The following LINGO1 variants were observed in gnomAD, a reference collection of about 807,000 sequenced individuals.
The protein encoded by LINGO1 is leucine rich repeat and Ig domain containing 1, also known as leucine-rich repeat and immunoglobulin-like domain-containing nogo receptor-interacting protein 1.
Under a neutral mutation model 37.3 loss-of-function variants are expected in LINGO1, and 11 were observed. The ratio of observed to expected loss-of-function variants is 0.29; its 90% confidence interval spans 0.19 to 0.49. LINGO1 has a LOEUF of 0.49. LINGO1 is among the 20% of genes least tolerant of loss of function. LINGO1 has a pLI of 0.99. For missense variants in LINGO1, 585 were observed against 878.2 expected (o/e 0.67, Z 4.22); for synonymous variants, 387 against 403.0 (o/e 0.96, Z 0.48).
intron 1 of LINGO1, among the ~76,000 whole-genome samples, chr15:77,768,253 T>A (rs1596207392): frequency 6.6e-6 from 1 of 151,658 alleles, no homozygotes; most frequent in Non-Finnish European, 1.5e-5. Context: ...TCCCTTCTCA[T>A]AAAGGGCCAG....
chr15:77,766,533 C>T (rs1284767918), intron 1 of LINGO1, among the ~76,000 whole-genome samples: 2 of 152,172 alleles, frequency 1.3e-5, no homozygotes, highest in Non-Finnish European at 2.9e-5. Flanking sequence ...ATAATCCCCA[C>T]GTGTCAAAGG....
intron 1 of LINGO1, among the ~76,000 whole-genome samples, chr15:77,812,315 C>T (rs148385975): frequency 3.9e-5 from 6 of 152,214 alleles, no homozygotes; most frequent in African/African-American, 1.4e-4. Flanking sequence ...TCAGAATACC[C>T]CTACCGGTGG....
chr15:77,797,507 C>T (rs7175927), intron 1 of LINGO1, among the ~76,000 whole-genome samples: 18,743 of 152,174 alleles, frequency 0.12, 1,370 homozygotes, highest in African/African-American at 0.21. Context: ...AAAGTCCACA[C>T]GAAGACAAGG....
chr15:77,653,610 A>G (rs2074808198), intron 3 of LINGO1, among the ~76,000 whole-genome samples: 1 of 152,134 alleles, frequency 6.6e-6, no homozygotes, highest in African/African-American at 2.4e-5. Context: ...GACCAGGGGC[A>G]GGTTACCCAG....
chr15:77,663,659 C>G (rs150856216), intron 3 of LINGO1, among the ~76,000 whole-genome samples: 129 of 152,376 alleles, frequency 8.5e-4, no homozygotes, highest in African/African-American at 3.0e-3. Context: ...AGTAGGGGTC[C>G]TTCCTCAGTG....
rs372907046 is a variant in LINGO1, at chr15:77,614,912, C to T, written c.995G>A (p.Arg332His). The stretch of plus-strand genomic sequence containing the variant: ...GAGCACGCGCAGGTAGTTGAGGCCG[C>T]GGAAGGCATAGGGCTCCACCACGGC... ...QLAVVEPYAF[R>H]GLNYLRVLNV... is the part of the protein sequence containing the mutation. The change falls in exon 2 of 2, where the codon CGC becomes CAC. Residue 332 changes from arginine (R) to histidine (H), a missense_variant. Arg to His is a conservative substitution (Grantham distance 29). Transcript: ENST00000355300. 2.2e-5 allele frequency: 36 copies of T among 1,613,938 alleles called. No homozygotes were observed. The highest frequency in any genetic ancestry group is 6.7e-5 in the Admixed American group (4 of 60,014).
chr15:77,693,515 A>G (rs567539877), intron 1 of LINGO1, among the ~76,000 whole-genome samples: 19 of 152,214 alleles, frequency 1.2e-4, no homozygotes, highest in Non-Finnish European at 2.6e-4. Flanking sequence ...CCTGAGGGCC[A>G]GGGTAAGGGC....
rs116751203 is a variant in LINGO1, at chr15:77,639,527, C to G, written c.-12-23627G>C. Reference sequence around the variant, plus strand: ...GAGCACACGAGGGCAAGCAGAGGAGCGCGCATGGCAGGATTGTTATAGCGA... The same window carrying G: ...GAGCACACGAGGGCAAGCAGAGGAGGGCGCATGGCAGGATTGTTATAGCGA... On this transcript the variant is annotated intron_variant, in intron 3 of 3. Transcript: ENST00000559893. Among the ~76,000 whole-genome samples the G allele has an allele frequency of 1.7e-3, 258 of 151,854 alleles. 1 individual carries two copies. Among genetic ancestry groups the G allele is most frequent in the African/African-American group, 6.2e-3 (255 of 41,432 alleles).
chr15:77,776,526 A>AAAGCAGGAAGGC (rs1567577779), intron 1 of LINGO1, among the ~76,000 whole-genome samples: 5 of 35,792 alleles, frequency 1.4e-4, no homozygotes, highest in Admixed American at 2.6e-4. Context: ...GGAAGGGAGG[A>AAAGCAGGAAGGC]AGGGAGGGAG....
chr15:77,740,995 C>A (rs1463695088), intron 1 of LINGO1, among the ~76,000 whole-genome samples: 1 of 152,196 alleles, frequency 6.6e-6, no homozygotes, highest in African/African-American at 2.4e-5. Context: ...GCATTCCCAG[C>A]CCCCAGCCCT....
chr15:77,758,565 C>T (rs4275819), intron 1 of LINGO1, among the ~76,000 whole-genome samples: 29,076 of 152,042 alleles, frequency 0.19, 4,566 homozygotes, highest in African/African-American at 0.44. Flanking sequence ...GGAGGCCAGG[C>T]TTGAGTTTGG....
intron 1 of LINGO1, among the ~76,000 whole-genome samples, chr15:77,620,654 G>A (rs2073889032): frequency 6.6e-6 from 1 of 152,244 alleles, no homozygotes; most frequent in Non-Finnish European, 1.5e-5. Flanking sequence ...CCAGCTGGAA[G>A]GTCGACATCC....
chr15:77,664,152 T>C (rs2075062500), intron 3 of LINGO1, among the ~76,000 whole-genome samples: 1 of 135,006 alleles, frequency 7.4e-6, no homozygotes, highest in Non-Finnish European at 1.6e-5. Context: ...TGTGTGTGTG[T>C]GTGTGTGTGT....
rs372789085 is a variant in LINGO1 at position 77,647,557 on chromosome 15, A to G, written c.-13+29532T>C. On this transcript the variant is annotated intron_variant, in intron 3 of 3. Coordinates refer to the LINGO1 transcript ENST00000559893. ...AGGGTGGACAAAGTGGAGTCTGCAC[A>G]ATTACAGTGCTAAGGATCACAGTTG... 2.6e-5 allele frequency among the ~76,000 whole-genome samples: 4 copies of G among 152,278 alleles called. No homozygotes were observed. The South Asian group carries it at 6.2e-4, about 24-fold the overall frequency.
At chr15:77,623,877 CTGTG>C (rs1334465469) in intron 1 of LINGO1, among the ~76,000 whole-genome samples, 7 of 107,512 alleles carry the variant, frequency 6.5e-5, no homozygotes, top group East Asian at 5.8e-4. Context: ...GTGTGTGTGT[CTGTG>C]TGTGAGTGAT....
chr15:77,797,453 C>T (rs1396426513), intron 1 of LINGO1, among the ~76,000 whole-genome samples: 2 of 152,192 alleles, frequency 1.3e-5, no homozygotes, highest in African/African-American at 4.8e-5. Flanking sequence ...GTGTGATTTC[C>T]GGATGTGTGC....
chr15:77,646,258 T>C (rs988544314), intron 3 of LINGO1: 2 of 304,030 alleles, frequency 6.6e-6, no homozygotes, highest in Non-Finnish European at 1.3e-5. Flanking sequence ...GGTCCAGGCA[T>C]TGTGACCTGT....
Position 77,629,132 on chromosome 15 carries a change from T to C in LINGO1, c.6+3178A>G, listed in dbSNP as rs956299146. Among the ~76,000 whole-genome samples the C allele has an allele frequency of 9.2e-5, 14 of 152,196 alleles. No individual in the cohort carries two copies. In the South Asian group the frequency reaches 2.9e-3, roughly 32 times the overall value. On this transcript the variant is annotated intron_variant, in intron 1 of 1. Transcript: ENST00000355300. ...TGCCCAAAGTCACAGAACTAGGCAG[T>C]GGTGGAGCTGAGACTTGAGCCCAGA... is the stretch of plus-strand genomic sequence containing the variant.
At chr15:77,714,875 T>C (rs889241970) in intron 2 of LINGO1, among the ~76,000 whole-genome samples, 3 of 152,238 alleles carry the variant, frequency 2.0e-5, no homozygotes, top group African/African-American at 7.2e-5. Flanking sequence ...TCCCCACGTC[T>C]TGGCTGGGAG....
Sources: allele counts gnomAD v4.1 joint callset (sites outside exome capture counted in the v4.1 genomes callset), GRCh38; gene constraint gnomAD v4.1.1; transcripts MANE v1.5; gene names NCBI Gene and HGNC (gene_info 2026-07-23, HGNC 2026-07-21).